Variants in NAPEPLD observed in about 807,000 individuals in gnomAD.
NAPEPLD encodes N-acyl phosphatidylethanolamine phospholipase D.
NAPEPLD carries 23 observed loss-of-function variants against 38.1 expected under a neutral mutation model. The ratio of observed to expected loss-of-function variants is 0.60; its 90% CI spans 0.43 to 0.86. The LOEUF (loss-of-function observed/expected upper bound fraction) is 0.86, where lower values mean the gene tolerates loss of function less well. NAPEPLD is among the 40% of genes least tolerant of loss of function. NAPEPLD has a pLI of 0.00. For missense variants in NAPEPLD, 411 were observed against 476.8 expected (o/e 0.86, Z 1.28); for synonymous variants, 147 against 162.0 (o/e 0.91, Z 0.71).
intron 2 of NAPEPLD, among the ~76,000 whole-genome samples, chr7:103,123,391 G>A (rs970867672): frequency 1.3e-5 from 2 of 152,182 alleles, no homozygotes; most frequent in African/African-American, 4.8e-5. Flanking sequence ...AAATTTGGGA[G>A]TTAGGGTTAG....
chr7:103,127,013 T>C (rs1807962994), intron 2 of NAPEPLD: 1 of 152,100 alleles, frequency 6.6e-6, no homozygotes, highest in African/African-American at 2.4e-5. Context: ...ATAGAACTAC[T>C]ATAACTAATA....
At chr7:103,116,845 G>C (rs558703965) in intron 3 of NAPEPLD, among the ~76,000 whole-genome samples, 1 of 152,182 alleles carries the variant, frequency 6.6e-6, no homozygotes, top group Non-Finnish European at 1.5e-5. Flanking sequence ...TTCTTTGTCT[G>C]TGAAATATAA....
At position 103,100,692 on chromosome 7, in the gene NAPEPLD, C is replaced by G. The variant is rs975375361; in HGVS notation, c.*2737G>C. Reference sequence around the variant, plus strand: ...TTAGAGGATAAGACTGATTAAAAGACACTACAATGCATATTAGACTGAATT... The same window carrying G: ...TTAGAGGATAAGACTGATTAAAAGAGACTACAATGCATATTAGACTGAATT... On this transcript the variant is annotated 3_prime_UTR_variant, in exon 5 of 5. Transcript: ENST00000465647. 1 of 152,200 alleles carries G rather than the reference C, an allele frequency of 6.6e-6. No homozygotes were observed. The highest frequency in any genetic ancestry group is 1.5e-5 in the Non-Finnish European group (1 of 68,026). 9.4% of individuals were successfully genotyped at this position (152,200 alleles called of 1,614,324 possible). A position where few individuals can be genotyped will look rare whatever the true frequency, so the allele number is the denominator to read the frequency against.
chr7:103,110,204 C>A (rs1001205798), intron 4 of NAPEPLD, among the ~76,000 whole-genome samples: 3 of 152,190 alleles, frequency 2.0e-5, no homozygotes, highest in Non-Finnish European at 4.4e-5. Flanking sequence ...AGGGAATCCT[C>A]CCTAACTCGT....
intron 1 of NAPEPLD, among the ~76,000 whole-genome samples, chr7:103,140,854 A>G (rs553106929): frequency 6.6e-5 from 10 of 152,146 alleles, no homozygotes; most frequent in Non-Finnish European, 1.2e-4. Context: ...CTGAAAACTC[A>G]TGATACTAAT....
intron 4 of NAPEPLD, among the ~76,000 whole-genome samples, chr7:103,112,590 T>C (rs1014301164): frequency 7.9e-5 from 12 of 151,538 alleles, no homozygotes; most frequent in South Asian, 4.2e-4. Flanking sequence ...ACATCACACA[T>C]TGGGGCCTGT....
chr7:103,131,125 T>C (rs1032403256), intron 1 of NAPEPLD, among the ~76,000 whole-genome samples: 1 of 152,156 alleles, frequency 6.6e-6, no homozygotes, highest in Non-Finnish European at 1.5e-5. Flanking sequence ...CTCCTTGTCA[T>C]GATAAAACAG....
At position 103,103,451 on chromosome 7, in the gene NAPEPLD, T is replaced by C; in HGVS notation, c.1160A>G (p.Asn387Ser). 6.3e-7 allele frequency: 1 copy of C among 1,579,566 alleles called. No homozygotes were observed. Among genetic ancestry groups the C allele is most frequent in the Non-Finnish European group, 8.5e-7 (1 of 1,169,896 alleles). Residue 387 changes from asparagine to serine, a missense_variant, in exon 5 of 5, where the codon AAT (asparagine) becomes AGT (serine). Coordinates refer to ENST00000465647, the MANE Select transcript of NAPEPLD (RefSeq NM_001122838.3). ...TTATTAAAAGTTTTCATCATCATTA[T>C]TTAGGTATCTTGATTCTCCATGCTT... ...VLKHGESRYLNNDDENF is the reference protein window; with the variant it reads ...VLKHGESRYLSNDDENF
Position 103,099,822 on chromosome 7 carries a change from CTTGA to C in NAPEPLD, c.*3603_*3606del. On this transcript the variant is annotated 3_prime_UTR_variant, in exon 5 of 5. Coordinates refer to ENST00000465647, the MANE Select transcript of NAPEPLD (RefSeq NM_001122838.3). Reference sequence around the variant, plus strand: ...TTTATTAATTTTCATCCATATTTTACTTGACTAAAAATACAATGTATGAAAATTT... The same window carrying C: ...TTTATTAATTTTCATCCATATTTTACCTAAAAATACAATGTATGAAAATTT... The C allele has an allele frequency of 6.6e-6, 1 of 151,892 alleles. No individual in the cohort carries two copies. The highest frequency in any genetic ancestry group is 1.5e-5 in the Non-Finnish European group (1 of 67,992). The allele number at this position is 151,892 out of a possible 1,614,324, so 9.4% of individuals were successfully genotyped here.
In NAPEPLD at chr7:103,101,031, T is replaced by C. The variant is rs997051604; in HGVS notation, c.*2398A>G. On this transcript the variant is annotated 3_prime_UTR_variant, in exon 5 of 5. Coordinates refer to ENST00000465647, the MANE Select transcript of NAPEPLD (RefSeq NM_001122838.3). ...AGTACACGTGAATACAAAATAATGT[T>C]AAGGCCATTCATGGAGAAGAAATAC... 3 of 152,168 alleles carry C rather than the reference T, an allele frequency of 2.0e-5. No individual in the cohort carries two copies. Among genetic ancestry groups the C allele is most frequent in the Non-Finnish European group, 2.9e-5 (2 of 68,032 alleles). 9.4% of individuals were successfully genotyped at this position (152,168 alleles called of 1,614,324 possible). A position where few individuals can be genotyped will look rare whatever the true frequency, so the allele number is the denominator to read the frequency against.
At chr7:103,141,538 GTT>G in intron 1 of NAPEPLD, 1 of 1,378,366 alleles carries the variant, frequency 7.3e-7, no homozygotes, top group Non-Finnish European at 1.0e-6. Context: ...GAATCTGCTT[GTT>G]TTTTAACACA....
chr7:103,141,072 G>A (rs1811200559), intron 1 of NAPEPLD, among the ~76,000 whole-genome samples: 1 of 151,894 alleles, frequency 6.6e-6, no homozygotes, highest in South Asian at 2.1e-4. Flanking sequence ...CTATCATATT[G>A]TTCCCCCCAT....
chr7:103,136,992 T>C (rs917166719), intron 1 of NAPEPLD, among the ~76,000 whole-genome samples: 11 of 152,148 alleles, frequency 7.2e-5, no homozygotes, highest in African/African-American at 2.7e-4. Context: ...CAGGCTAGAG[T>C]GCAGTGGTGC....
chr7:103,142,746 C>T (rs557432686), intron 1 of NAPEPLD, among the ~76,000 whole-genome samples: 23 of 152,256 alleles, frequency 1.5e-4, no homozygotes, highest in African/African-American at 5.5e-4. Context: ...ACAATGAGTG[C>T]ACAATATTTA....
At chr7:103,141,240 GTTTTTTTTTT>G (rs869065614) in intron 1 of NAPEPLD, 1 of 10,204 alleles carries the variant, frequency 9.8e-5, no homozygotes. Context: ...CTGTGGAGTT[GTTTTTTTTTT>G]TTTTTTTTTT....
At chr7:103,114,995 C>G (rs1238814751) in intron 4 of NAPEPLD, 65 bp downstream of exon 4, 2 of 1,222,054 alleles carry the variant, frequency 1.6e-6, no homozygotes, top group Non-Finnish European at 2.4e-6. Context: ...AACTAAGGAA[C>G]AGTGATGCCT....
intron 4 of NAPEPLD, among the ~76,000 whole-genome samples, chr7:103,106,918 T>G (rs1464859017): frequency 6.6e-6 from 1 of 152,142 alleles, no homozygotes; most frequent in African/African-American, 2.4e-5. Flanking sequence ...ACAGACTGCC[T>G]CCTCAAGTGG....
chr7:103,141,449 G>T, intron 1 of NAPEPLD: 5 of 973,056 alleles, frequency 5.1e-6, no homozygotes, highest in Non-Finnish European at 8.4e-6. Flanking sequence ...CTTGGTCTTA[G>T]ATCTGCGGGC....
chr7:103,143,614 T>A (rs1347672956), intron 1 of NAPEPLD, among the ~76,000 whole-genome samples: 1 of 152,168 alleles, frequency 6.6e-6, no homozygotes, highest in Non-Finnish European at 1.5e-5. Context: ...TGGAGCCATC[T>A]TGAGCCAGGA....
Sources: allele counts gnomAD v4.1 joint callset (sites outside exome capture counted in the v4.1 genomes callset), GRCh38; gene constraint gnomAD v4.1.1; transcripts MANE v1.5; gene names NCBI Gene and HGNC (gene_info 2026-07-23, HGNC 2026-07-21).